Variants in NHSL1 observed in about 807,000 individuals in gnomAD.
NHSL1 encodes the protein NHS like 1.
Under a neutral mutation model 95.0 loss-of-function variants are expected in NHSL1, and 48 were observed. That is an observed-to-expected ratio of 0.51 (90% CI 0.40 to 0.64). NHSL1 has a LOEUF of 0.64. Among genes scored for constraint, NHSL1 ranks in the 30% least tolerant of loss-of-function variants. The pLI is 0.00. For missense variants in NHSL1, 1,971 were observed against 2,077.7 expected, an observed-to-expected ratio of 0.95 and a Z score of 1.00; for synonymous variants, 783 against 833.9, an observed-to-expected ratio of 0.94 and a Z score of 1.05.
intron 2 of NHSL1, among the ~76,000 whole-genome samples, chr6:138,485,999 G>A (rs1483128590): frequency 1.3e-5 from 2 of 151,996 alleles, no homozygotes; most frequent in Non-Finnish European, 2.9e-5. Flanking sequence ...GAACAGCCTC[G>A]ATCTCTGGCT....
intron 3 of NHSL1, among the ~76,000 whole-genome samples, chr6:138,456,529 T>A (rs1488256128): frequency 6.6e-6 from 1 of 152,188 alleles, no homozygotes; most frequent in Non-Finnish European, 1.5e-5. Context: ...CTGCCAAAAA[T>A]CTAGATCTAA....
Position 138,692,396 on chromosome 6 carries a change from G to A in NHSL1, c.96+80C>T, listed in dbSNP as rs1785691644. 4.3e-5 allele frequency: 12 copies of A among 281,930 alleles called. No homozygotes were observed. Among genetic ancestry groups the A allele is most frequent in the South Asian group, 4.0e-4 (12 of 30,342 alleles). The allele number at this position is 281,930 out of a possible 1,614,324, so 17.5% of individuals were successfully genotyped here. A position where few individuals can be genotyped will look rare whatever the true frequency, so the allele number is the denominator to read the frequency against. On this transcript the variant is annotated intron_variant, in intron 1 of 3. Coordinates refer to the NHSL1 transcript ENST00000491526. This position sits in a 1 kb window ranked among gnomAD's most constrained non-coding sequence, Gnocchi z 4.0. ...CTCCGCGGCCCCCGCGCCGACCCAG[G>A]GCCGCCAGGGGGCGGGCGGGAGCAG...
In NHSL1 at chr6:138,424,286, A is replaced by G; in HGVS notation, c.4616T>C (p.Ile1539Thr). The G allele has an allele frequency of 1.3e-6, 2 of 1,507,366 alleles. No individual in the cohort carries two copies. The highest frequency in any genetic ancestry group is 1.8e-6 in the Non-Finnish European group (2 of 1,125,140). The allele number at this position is 1,507,366 out of a possible 1,614,324, so 93.4% of individuals were successfully genotyped here. A position where few individuals can be genotyped will look rare whatever the true frequency, so the allele number is the denominator to read the frequency against. The change falls in exon 8 of 8, where the codon ATA becomes ACA. Residue 1539 changes from isoleucine (I) to threonine (T), a missense_variant. Physicochemically the swap from Ile to Thr is moderately conservative, Grantham distance 89. Around this residue, in one of 3 missense-constraint regions of NHSL1, gnomAD observed 223 missense variants for 217.0 expected, o/e 1.03. Transcript: ENST00000343505. This position sits in a 1 kb window ranked among gnomAD's most constrained non-coding sequence, Gnocchi z 5.9. Reference sequence around the variant, plus strand: ...CGCAGCGCCCAGAGCCCCGCGGGCTATGCTGTCCACAGGCTCCACGGCTTC... The same window carrying G: ...CGCAGCGCCCAGAGCCCCGCGGGCTGTGCTGTCCACAGGCTCCACGGCTTC... ...EGEAVEPVDS[I>T]ARGALGAAEG...
intron 1 of NHSL1, among the ~76,000 whole-genome samples, chr6:138,585,241 TGA>T (rs1198530190): frequency 1.3e-5 from 2 of 152,158 alleles, no homozygotes; most frequent in Non-Finnish European, 2.9e-5. Flanking sequence ...GAGCTGGGAT[TGA>T]GAGTCAGATT....
chr6:138,682,805 C>T (rs1160609538), intron 1 of NHSL1, among the ~76,000 whole-genome samples: 1 of 152,126 alleles, frequency 6.6e-6, no homozygotes, highest in Non-Finnish European at 1.5e-5. Context: ...TCTCCAGGGG[C>T]GGGGCCACCT....
chr6:138,575,672 T>A (rs962877451), upstream of NHSL1, among the ~76,000 whole-genome samples: 5 of 152,240 alleles, frequency 3.3e-5, no homozygotes, highest in Non-Finnish European at 7.3e-5. Context: ...ATATAATGGT[T>A]TAAATCAGCT....
At chr6:138,446,757 G>A in intron 4 of NHSL1, 1 of 510,174 alleles carries the variant, frequency 2.0e-6, no homozygotes, top group Middle Eastern at 5.4e-4. Flanking sequence ...TAAGATGAAT[G>A]GTTGGACCAC....
intron 1 of NHSL1, among the ~76,000 whole-genome samples, chr6:138,600,409 C>A (rs1368744901): frequency 6.6e-6 from 1 of 152,172 alleles, no homozygotes; most frequent in Non-Finnish European, 1.5e-5. Flanking sequence ...TCAATTTGAA[C>A]TAGCAATGCC....
intron 1 of NHSL1, among the ~76,000 whole-genome samples, chr6:138,680,547 T>C (rs1785499669): frequency 1.3e-5 from 2 of 152,180 alleles, no homozygotes; most frequent in Admixed American, 1.3e-4. Flanking sequence ...AGGCAGAAAA[T>C]GCCTACTTTT....
intron 1 of NHSL1, among the ~76,000 whole-genome samples, chr6:138,640,932 TG>T (rs1346272460): frequency 6.6e-6 from 1 of 152,218 alleles, no homozygotes; most frequent in Non-Finnish European, 1.5e-5. Context: ...CTGACATCAG[TG>T]GGCAATGGTT....
intron 1 of NHSL1, among the ~76,000 whole-genome samples, chr6:138,681,201 TAA>T (rs1785507427): frequency 6.6e-6 from 1 of 152,090 alleles, no homozygotes; most frequent in South Asian, 2.1e-4. Context: ...ATTGTGTGTA[TAA>T]AAAAGAGGGG....
At chr6:138,521,994 A>G (rs1184761920) in intron 1 of NHSL1, among the ~76,000 whole-genome samples, 1 of 152,196 alleles carries the variant, frequency 6.6e-6, no homozygotes, top group African/African-American at 2.4e-5. Flanking sequence ...AGGAAATCCA[A>G]CAGAGGAAAC....
chr6:138,433,781 A>G (rs1775883304), intron 5 of NHSL1, 101 bp from the exon 6 acceptor site: 1 of 1,396,550 alleles, frequency 7.2e-7, no homozygotes, highest in Admixed American at 3.1e-5. Flanking sequence ...AAATTTTTCT[A>G]TTTGATTTAA....
chr6:138,550,056 A>G (rs1273650331), upstream of NHSL1, among the ~76,000 whole-genome samples: 2 of 152,130 alleles, frequency 1.3e-5, no homozygotes, highest in Non-Finnish European at 2.9e-5. Flanking sequence ...CCTGGCCAAC[A>G]TGGCGAAACC....
At chr6:138,668,405 T>G (rs1276192056) in intron 1 of NHSL1, among the ~76,000 whole-genome samples, 2 of 151,926 alleles carry the variant, frequency 1.3e-5, no homozygotes, top group Admixed American at 6.6e-5. Context: ...ATGGTGCCAT[T>G]GCACTCCAAC....
intron 1 of NHSL1, among the ~76,000 whole-genome samples, chr6:138,588,186 G>C (rs1479486027): frequency 2.6e-5 from 4 of 152,248 alleles, no homozygotes; most frequent in Admixed American, 2.6e-4. Context: ...TAACTGGCTG[G>C]GCCTGGTGGC....
intron 5 of NHSL1, among the ~76,000 whole-genome samples, chr6:138,441,362 T>C (rs892116080): frequency 1.3e-5 from 2 of 152,154 alleles, no homozygotes; most frequent in Admixed American, 1.3e-4. Flanking sequence ...TTTATAATGA[T>C]AACCAGAAAC....
intron 7 of NHSL1, among the ~76,000 whole-genome samples, chr6:138,425,265 T>C (rs1041365439): frequency 5.9e-5 from 9 of 152,076 alleles, no homozygotes; most frequent in African/African-American, 2.2e-4. Flanking sequence ...CCCAGCTAAT[T>C]TTTGTATTTT....
At chr6:138,478,713 C>T (rs1388435620) in intron 2 of NHSL1, among the ~76,000 whole-genome samples, 3 of 152,202 alleles carry the variant, frequency 2.0e-5, no homozygotes, top group Admixed American at 2.0e-4. Context: ...GAAGACCAAT[C>T]GTTCACACAT....
Sources: gnomAD v4.1 joint callset for allele counts (sites outside exome capture counted in the v4.1 genomes callset) on GRCh38, gnomAD v4.1.1 for gene constraint, gnomAD v4.1.1 regional missense constraint, Gnocchi (gnomAD v3.1) non-coding constraint, MANE v1.5 for transcripts, NCBI Gene and HGNC (gene_info 2026-07-23, HGNC 2026-07-21) for gene names.